Variants in LMBRD1 observed in about 807,000 individuals in gnomAD.
The protein encoded by LMBRD1 is lysosomal cobalamin transport escort protein LMBD1.
A neutral mutation model predicts 74.8 loss-of-function variants in LMBRD1; 64 were observed. That is an observed-to-expected ratio of 0.86 (90% CI 0.70 to 1.05). The LOEUF (loss-of-function observed/expected upper bound fraction) is 1.05. LMBRD1 is among the 50% of genes least tolerant of loss of function. The pLI is 0.00. For synonymous variants in LMBRD1, 204 were observed against 216.3 expected (o/e 0.94, Z 0.50); for missense variants, 652 against 645.9 (o/e 1.01, Z -0.10).
intron 3 of LMBRD1, among the ~76,000 whole-genome samples, chr6:69,778,239 T>C (rs577110655): frequency 1.7e-4 from 26 of 152,368 alleles, no homozygotes; most frequent in Middle Eastern, 6.8e-3. Context: ...TTTCTCACTA[T>C]AAATTAAGTT....
chr6:69,764,878 A>C (rs190291376), intron 3 of LMBRD1, among the ~76,000 whole-genome samples: 50 of 149,126 alleles, frequency 3.4e-4, no homozygotes, highest in African/African-American at 1.2e-3. Context: ...ATATCTAAGA[A>C]CTCTTTTTCT....
At position 69,688,813 on chromosome 6, in the gene LMBRD1, C is replaced by T. The variant is rs545757774; in HGVS notation, c.1417+8750G>A. Among the ~76,000 whole-genome samples the T allele has an allele frequency of 1.8e-3, 273 of 151,968 alleles. 1 individual carries two copies. Among genetic ancestry groups the T allele is most frequent in the Non-Finnish European group, 3.4e-3 (230 of 67,852 alleles). ...CAGACTTTCAGATTTTGTTTATGCA[C>T]GAAAGCATTTAAAAATGAGGTAATA... is the stretch of plus-strand genomic sequence containing the variant. On this transcript the variant is annotated intron_variant, in intron 14 of 15. Coordinates refer to ENST00000649934, the MANE Select transcript of LMBRD1 (RefSeq NM_018368.4).
At chr6:69,738,607 C>T (rs969755122) in intron 6 of LMBRD1, among the ~76,000 whole-genome samples, 1 of 151,366 alleles carries the variant, frequency 6.6e-6, no homozygotes, top group Non-Finnish European at 1.5e-5. Flanking sequence ...AATACACACA[C>T]ACACACACAC....
intron 9 of LMBRD1, chr6:69,706,145 C>T: frequency 1.9e-6 from 1 of 534,680 alleles, no homozygotes; most frequent in Non-Finnish European, 3.5e-6. Flanking sequence ...ATGTCCATGT[C>T]CATCAAATCT....
At chr6:69,695,269 G>A (rs1489724987) in intron 14 of LMBRD1, among the ~76,000 whole-genome samples, 1 of 151,232 alleles carries the variant, frequency 6.6e-6, no homozygotes, top group Non-Finnish European at 1.5e-5. Context: ...AAAAGTTCTT[G>A]ACTCCGCACA....
chr6:69,676,754 T>C (rs1426729130), intron 14 of LMBRD1, among the ~76,000 whole-genome samples: 2 of 151,610 alleles, frequency 1.3e-5, no homozygotes, highest in Non-Finnish European at 2.9e-5. Flanking sequence ...ATATGACATA[T>C]TAAAAAAAAA....
intron 8 of LMBRD1, among the ~76,000 whole-genome samples, chr6:69,716,052 A>C (rs1766482635): frequency 6.6e-6 from 1 of 152,112 alleles, no homozygotes; most frequent in Admixed American, 6.6e-5. Context: ...TGTCTTTGCT[A>C]TTGTGAATAG....
intron 12 of LMBRD1, among the ~76,000 whole-genome samples, chr6:69,700,163 G>T (rs1163692320): frequency 1.3e-5 from 2 of 151,680 alleles, no homozygotes; most frequent in African/African-American, 4.8e-5. Context: ...TCCATAGCAA[G>T]AAATCTTTTA....
intron 7 of LMBRD1, among the ~76,000 whole-genome samples, chr6:69,721,236 A>G (rs968018703): frequency 6.6e-6 from 1 of 152,192 alleles, no homozygotes; most frequent in Non-Finnish European, 1.5e-5. Flanking sequence ...CTAGGGTGGC[A>G]TGTGACCCAG....
At chr6:69,683,748 T>A (rs930886) in intron 14 of LMBRD1, among the ~76,000 whole-genome samples, 10 of 151,840 alleles carry the variant, frequency 6.6e-5, no homozygotes, top group Non-Finnish European at 1.2e-4. Flanking sequence ...ACCTCATTAC[T>A]GTTCTAGTAT....
chr6:69,719,390 C>G (rs1016030352), intron 7 of LMBRD1, among the ~76,000 whole-genome samples: 10 of 151,850 alleles, frequency 6.6e-5, no homozygotes, highest in Middle Eastern at 3.4e-3. Flanking sequence ...GGTTAAGATA[C>G]TATAAATTAG....
chr6:69,724,834 A>G (rs923451632), intron 7 of LMBRD1, among the ~76,000 whole-genome samples: 4 of 152,034 alleles, frequency 2.6e-5, no homozygotes, highest in Non-Finnish European at 5.9e-5. Flanking sequence ...CACTTTCAAC[A>G]CTGCTATTCA....
chr6:69,790,731 C>T, intron 1 of LMBRD1: 1 of 463,552 alleles, frequency 2.2e-6, no homozygotes, highest in Non-Finnish European at 4.0e-6. Context: ...CCTCATTAAA[C>T]ACAGTGCAAA....
intron 3 of LMBRD1, among the ~76,000 whole-genome samples, chr6:69,778,533 T>A (rs185988418): frequency 6.6e-6 from 1 of 152,350 alleles, no homozygotes; most frequent in South Asian, 2.1e-4. Flanking sequence ...GGTTCAACGA[T>A]AAGATACAGT....
At chr6:69,685,735 A>G (rs1020365571) in intron 14 of LMBRD1, among the ~76,000 whole-genome samples, 13 of 152,314 alleles carry the variant, frequency 8.5e-5, no homozygotes, top group Non-Finnish European at 1.5e-4. Flanking sequence ...CGGGAGGCAG[A>G]GGCTGCAGTG....
rs1766065683 is a variant in LMBRD1, at chr6:69,790,797, T to A, written c.70-325A>T. 8.6e-6 allele frequency: 3 copies of A among 349,716 alleles called. No homozygotes were observed. The East Asian group carries it at 2.1e-4, about 25-fold the overall frequency. The allele number at this position is 349,716 out of a possible 1,614,324, so 21.7% of individuals were successfully genotyped here. A position where few individuals can be genotyped will look rare whatever the true frequency, so the allele number is the denominator to read the frequency against. ...CTAGCTTTGAATATTTTTTTCCCTG[T>A]AGATTTTTCCAACCTAAAAGAGATA... On this transcript the variant is annotated intron_variant, in intron 1 of 15. Transcript: ENST00000649934.
At chr6:69,716,926 T>G (rs1278428758) in intron 8 of LMBRD1, among the ~76,000 whole-genome samples, 1 of 151,416 alleles carries the variant, frequency 6.6e-6, no homozygotes, top group Admixed American at 6.6e-5. Flanking sequence ...TGTATTTATA[T>G]GTACAGGCAC....
At chr6:69,752,918 A>G (rs1000056478) in intron 3 of LMBRD1, among the ~76,000 whole-genome samples, 4 of 152,192 alleles carry the variant, frequency 2.6e-5, no homozygotes, top group Non-Finnish European at 5.9e-5. Flanking sequence ...GAACAGTAAA[A>G]TTAGACTCTC....
chr6:69,702,831 T>C (rs1407285249), intron 9 of LMBRD1, among the ~76,000 whole-genome samples: 1 of 152,092 alleles, frequency 6.6e-6, no homozygotes, highest in Non-Finnish European at 1.5e-5. Flanking sequence ...GATCAATGAA[T>C]GTTATGAAAT....
Sources: gnomAD v4.1 joint callset for allele counts (sites outside exome capture counted in the v4.1 genomes callset) on GRCh38, gnomAD v4.1.1 for gene constraint, MANE v1.5 for transcripts, NCBI Gene and HGNC (gene_info 2026-07-23, HGNC 2026-07-21) for gene names.